Variants in COX10 observed in about 807,000 individuals in gnomAD.
COX10 encodes the protein cytochrome c oxidase assembly factor heme A:farnesyltransferase COX10.
A neutral mutation model predicts 37.3 loss-of-function variants in COX10; 27 were observed. The ratio of observed to expected loss-of-function variants is 0.72; its 90% CI spans 0.53 to 1.00. The LOEUF (loss-of-function observed/expected upper bound fraction) is 1.00. COX10 is among the 50% of genes least tolerant of loss of function. The pLI is 0.00. For synonymous variants in COX10, 222 were observed against 229.1 expected (o/e 0.97, Z 0.28); for missense variants, 475 against 563.2 (o/e 0.84, Z 1.59).
chr17:14,102,087 A>G (rs768285032), intron 3 of COX10, 31 bp from the exon 4 acceptor site: 2 of 1,613,276 alleles, frequency 1.2e-6, no homozygotes, highest in Non-Finnish European at 1.7e-6. Flanking sequence ...CCTGTTGGTA[A>G]CAGTGTGTCT....
At chr17:14,168,396 C>G (rs1597532723) in intron 5 of COX10, among the ~76,000 whole-genome samples, 1 of 152,282 alleles carries the variant, frequency 6.6e-6, no homozygotes, top group South Asian at 2.1e-4. Flanking sequence ...AGTGGATCTA[C>G]CATTCTGAGG....
intron 4 of COX10, among the ~76,000 whole-genome samples, chr17:14,118,447 T>C (rs997020966): frequency 6.6e-6 from 1 of 152,202 alleles, no homozygotes; most frequent in African/African-American, 2.4e-5. Flanking sequence ...TGAAGTTCTT[T>C]TTAAAAATTA....
chr17:14,102,450 A>G (rs1006652843), intron 4 of COX10, among the ~76,000 whole-genome samples: 1 of 152,160 alleles, frequency 6.6e-6, no homozygotes, highest in Non-Finnish European at 1.5e-5. Context: ...GTGAGAGAGC[A>G]GTAGATTAGA....
chr17:14,194,273 G>T (rs892234398), intron 6 of COX10, among the ~76,000 whole-genome samples: 6 of 152,134 alleles, frequency 3.9e-5, no homozygotes, highest in African/African-American at 1.4e-4. Flanking sequence ...CTCCTGAAGA[G>T]AGCCTCAGCA....
intron 6 of COX10, among the ~76,000 whole-genome samples, chr17:14,201,016 A>G (rs1906527813): frequency 6.6e-6 from 1 of 152,172 alleles, no homozygotes; most frequent in South Asian, 2.1e-4. Context: ...GCCAGACACG[A>G]GCAGAGGACT....
At chr17:14,071,450 T>C (rs903190800) in intron 1 of COX10, among the ~76,000 whole-genome samples, 1 of 152,166 alleles carries the variant, frequency 6.6e-6, no homozygotes, top group African/African-American at 2.4e-5. Context: ...ATTTGGAAGA[T>C]CTACTAAGAG....
Position 14,069,548 on chromosome 17 carries a change from C to T in COX10, c.-58C>T, listed in dbSNP as rs1037089216. 8.8e-6 allele frequency: 14 copies of T among 1,598,866 alleles called. No homozygotes were observed. In the Admixed American group the frequency reaches 1.3e-4, roughly 15 times the overall value. ...GGGGAAGGAAGATGGCGGCGCCCAG[C>T]GTCCCGTGAGGAGAGAGGACACAGG... On this transcript the variant is annotated 5_prime_UTR_variant, in exon 1 of 7. Transcript: ENST00000261643.
intron 4 of COX10, among the ~76,000 whole-genome samples, chr17:14,127,919 GTGTGTGTA>G (rs1555536377): frequency 2.8e-4 from 27 of 94,988 alleles, no homozygotes; most frequent in African/African-American, 7.7e-4. Context: ...ATCTTTAAGA[GTGTGTGTA>G]TGTGTGTGTG....
chr17:14,202,798 T>C (rs1040787255), intron 6 of COX10, among the ~76,000 whole-genome samples: 1 of 150,714 alleles, frequency 6.6e-6, no homozygotes, highest in Non-Finnish European at 1.5e-5. Context: ...CTCCTTATCT[T>C]GATTTCCAGA....
chr17:14,166,600 A>ATT (rs1905289028), intron 5 of COX10, among the ~76,000 whole-genome samples: 3 of 146,180 alleles, frequency 2.1e-5, no homozygotes, highest in Non-Finnish European at 4.5e-5. Context: ...TGGATCAAAG[A>ATT]GTCAATTCGA....
chr17:14,069,748 G>C, intron 1 of COX10, 100 bp downstream of exon 1: 1 of 1,477,424 alleles, frequency 6.8e-7, no homozygotes, highest in Non-Finnish European at 9.4e-7. Context: ...GGGAGCCCTT[G>C]GCGAGGTTGG....
At chr17:14,126,559 C>T (rs1179190801) in intron 4 of COX10, among the ~76,000 whole-genome samples, 2 of 152,072 alleles carry the variant, frequency 1.3e-5, no homozygotes, top group Non-Finnish European at 2.9e-5. Context: ...TAGTTTTATG[C>T]ATATACATTT....
chr17:14,169,106 G>T (rs1190678596), intron 5 of COX10, among the ~76,000 whole-genome samples: 2 of 152,136 alleles, frequency 1.3e-5, no homozygotes, highest in African/African-American at 4.8e-5. Flanking sequence ...AAAAAGCCAG[G>T]TCACCTCTTG....
At chr17:14,118,649 A>C (rs926488560) in intron 4 of COX10, among the ~76,000 whole-genome samples, 2 of 152,258 alleles carry the variant, frequency 1.3e-5, no homozygotes, top group South Asian at 4.1e-4. Flanking sequence ...CCATTTCAGA[A>C]GTACTATAAT....
intron 4 of COX10, among the ~76,000 whole-genome samples, chr17:14,118,344 G>C (rs1223497157): frequency 6.6e-6 from 1 of 152,044 alleles, no homozygotes; most frequent in African/African-American, 2.4e-5. Context: ...TAATGTCTGA[G>C]AGGGCAAGTC....
At chr17:14,137,959 T>G (rs945769171) in intron 4 of COX10, among the ~76,000 whole-genome samples, 11 of 151,444 alleles carry the variant, frequency 7.3e-5, no homozygotes, top group Admixed American at 6.6e-5. Context: ...AGTTTTTTTT[T>G]TTTTTTTTTT....
At chr17:14,125,101 G>A (rs1161353982) in intron 4 of COX10, among the ~76,000 whole-genome samples, 1 of 152,098 alleles carries the variant, frequency 6.6e-6, no homozygotes, top group African/African-American at 2.4e-5. Context: ...ATCTTTAAAT[G>A]TATTTACACA....
In COX10 at chr17:14,087,750, G is replaced by T. The variant is rs368259860; in HGVS notation, c.499+10694G>T. On this transcript the variant is annotated intron_variant, in intron 3 of 6. Transcript: ENST00000261643. ...GGCCAATGTCCTGTTTCCCAAATCT[G>T]GTTTTTAGTGTCGTCTGCTTCTCCT... is the stretch of plus-strand genomic sequence containing the variant. Among the ~76,000 whole-genome samples, 79 of 151,426 alleles carry T rather than the reference G, an allele frequency of 5.2e-4. No homozygotes were observed. In the South Asian group the frequency reaches 0.011, roughly 21 times the overall value.
intron 4 of COX10, among the ~76,000 whole-genome samples, chr17:14,144,936 A>C (rs958088810): frequency 2.6e-5 from 4 of 152,130 alleles, no homozygotes; most frequent in African/African-American, 9.7e-5. Flanking sequence ...ACAAATGGGA[A>C]TAATACAGTT....
Sources: gnomAD v4.1 joint callset for allele counts (sites outside exome capture counted in the v4.1 genomes callset) on GRCh38, gnomAD v4.1.1 for gene constraint, MANE v1.5 for transcripts, NCBI Gene and HGNC (gene_info 2026-07-23, HGNC 2026-07-21) for gene names.